The following AFF3 variants were observed in gnomAD, a reference collection of about 807,000 sequenced individuals.
AFF3 encodes the protein AF4/FMR2 family member 3.
A neutral mutation model predicts 129.7 loss-of-function variants in AFF3; 32 were observed. That is an observed-to-expected ratio of 0.25 (90% CI 0.19 to 0.33). The LOEUF is 0.33. Among genes scored for constraint, AFF3 ranks in the 10% least tolerant of loss-of-function variants. The pLI, the probability that AFF3 is intolerant of heterozygous loss-of-function variation, is 1.00. For missense variants in AFF3, 1,373 were observed against 1,592.0 expected (o/e 0.86, Z 2.34); for synonymous variants, 644 against 635.4 (o/e 1.01, Z -0.20).
At chr2:99,640,152 T>C (rs530418465) in intron 13 of AFF3, among the ~76,000 whole-genome samples, 3 of 152,134 alleles carry the variant, frequency 2.0e-5, no homozygotes, top group Non-Finnish European at 4.4e-5. Context: ...ATGGCGTGAG[T>C]AATAGAAGGG....
chr2:99,842,802 CAGAATATGG>C (rs1689418693), intron 7 of AFF3, among the ~76,000 whole-genome samples: 1 of 152,166 alleles, frequency 6.6e-6, no homozygotes, highest in Non-Finnish European at 1.5e-5. Flanking sequence ...ATGCCAAGCA[CAGAATATGG>C]GGAGAAGCAG....
chr2:99,875,878 C>T (rs1010730842), intron 7 of AFF3, among the ~76,000 whole-genome samples: 10 of 152,122 alleles, frequency 6.6e-5, no homozygotes, highest in African/African-American at 1.4e-4. Flanking sequence ...CCACAAAAGC[C>T]GTCCCTGCGA....
intron 13 of AFF3, among the ~76,000 whole-genome samples, chr2:99,606,716 C>CAT (rs541508529): frequency 1.8e-3 from 278 of 151,802 alleles, no homozygotes; most frequent in African/African-American, 6.2e-3. Flanking sequence ...AGATCAAGAC[C>CAT]ATCCTGGCTA....
chr2:99,838,912 TC>T (rs1689099676), intron 7 of AFF3, among the ~76,000 whole-genome samples: 2 of 152,158 alleles, frequency 1.3e-5, no homozygotes, highest in Non-Finnish European at 2.9e-5. Context: ...GTAGAGCATT[TC>T]CTTTGAAACA....
At chr2:100,005,616 G>A (rs968381390) in intron 7 of AFF3, among the ~76,000 whole-genome samples, 3 of 152,178 alleles carry the variant, frequency 2.0e-5, no homozygotes, top group African/African-American at 4.8e-5. Flanking sequence ...TATCATAAAC[G>A]TGTAATCAAA....
chr2:100,095,672 G>A (rs1690223467), intron 4 of AFF3, among the ~76,000 whole-genome samples: 1 of 152,186 alleles, frequency 6.6e-6, no homozygotes, highest in African/African-American at 2.4e-5. Flanking sequence ...ATGTGTGTAT[G>A]TGCACTCATG....
At chr2:100,128,220 C>T (rs1426793607) in intron 2 of AFF3, among the ~76,000 whole-genome samples, 2 of 152,154 alleles carry the variant, frequency 1.3e-5, no homozygotes, top group Admixed American at 6.5e-5. Context: ...AGTAGCCATT[C>T]GTTTATTCCT....
intron 8 of AFF3, among the ~76,000 whole-genome samples, chr2:99,774,970 A>C (rs142545391): frequency 0.016 from 2,471 of 152,358 alleles, 51 homozygotes; most frequent in East Asian, 0.088. Flanking sequence ...ACATACATGC[A>C]GCCAACAAAC....
At chr2:99,926,173 G>A (rs13405283) in intron 7 of AFF3, among the ~76,000 whole-genome samples, 2,269 of 152,300 alleles carry the variant, frequency 0.015, 57 homozygotes, top group African/African-American at 0.052. Context: ...CAATGAGTAC[G>A]ATACCAGAAT....
chr2:99,792,695 C>CA (rs1558856101), intron 8 of AFF3, among the ~76,000 whole-genome samples: 1 of 152,046 alleles, frequency 6.6e-6, no homozygotes, highest in African/African-American at 2.4e-5. Context: ...TAAATTTTGC[C>CA]AAATGCTTTT....
chr2:99,910,434 T>C (rs1695031352), intron 7 of AFF3, among the ~76,000 whole-genome samples: 1 of 152,230 alleles, frequency 6.6e-6, no homozygotes, highest in South Asian at 2.1e-4. Flanking sequence ...GATACAAATA[T>C]GTTCTTCCTC....
intron 11 of AFF3, among the ~76,000 whole-genome samples, chr2:99,684,894 T>C (rs1674893873): frequency 6.6e-6 from 1 of 151,950 alleles, no homozygotes; most frequent in Non-Finnish European, 1.5e-5. Flanking sequence ...ATCAAATAAC[T>C]CTAATCTCAA....
At chr2:99,764,863 A>G (rs944435248) in intron 8 of AFF3, among the ~76,000 whole-genome samples, 8 of 152,136 alleles carry the variant, frequency 5.3e-5, no homozygotes, top group Non-Finnish European at 1.2e-4. Context: ...TCTCGTGCTC[A>G]TGATGAGAAG....
intron 4 of AFF3, among the ~76,000 whole-genome samples, chr2:100,086,883 T>A (rs1689479696): frequency 6.6e-6 from 1 of 152,250 alleles, no homozygotes; most frequent in African/African-American, 2.4e-5. Context: ...TTTAAACCTC[T>A]TACAACAGCC....
At chr2:99,944,069 A>C (rs1428192089) in intron 7 of AFF3, among the ~76,000 whole-genome samples, 1 of 151,866 alleles carries the variant, frequency 6.6e-6, no homozygotes, top group Non-Finnish European at 1.5e-5. Context: ...CTAGGTAGTG[A>C]TTTCATATTT....
In AFF3 at chr2:99,996,306, GA is replaced by G. The variant is rs1384918486; in HGVS notation, c.873+10325del. On this transcript the variant is annotated intron_variant, in intron 7 of 24. Coordinates refer to ENST00000672756, the MANE Select transcript of AFF3 (RefSeq NM_001386135.1). Reference sequence around the variant, plus strand: ...AATTTAATCAGAAAGATGAAGTACAGAAAAAAGACCAGAAGGATCTGCTCTT... The same window carrying G: ...AATTTAATCAGAAAGATGAAGTACAGAAAAAGACCAGAAGGATCTGCTCTT... Among the ~76,000 whole-genome samples, 4 of 152,098 alleles carry G rather than the reference GA, an allele frequency of 2.6e-5. No individual in the cohort carries two copies. The South Asian group carries it at 6.2e-4, about 24-fold the overall frequency.
chr2:99,853,786 A>C (rs1690321047), intron 7 of AFF3, among the ~76,000 whole-genome samples: 1 of 152,214 alleles, frequency 6.6e-6, no homozygotes, highest in Non-Finnish European at 1.5e-5. Context: ...CTGACTTCTC[A>C]AGGTTAAAAA....
intron 18 of AFF3, among the ~76,000 whole-genome samples, chr2:99,576,831 T>C (rs997344917): frequency 2.0e-5 from 3 of 152,130 alleles, no homozygotes; most frequent in African/African-American, 7.2e-5. Context: ...ATGGCTGAAG[T>C]TCACATGAAC....
At position 99,949,409 on chromosome 2, in the gene AFF3, G is replaced by C. The variant is rs139693497; in HGVS notation, c.873+57223C>G. ...AATTTTTCCATAAACTGGAGAGCAG[G>C]GGGGAGGATGGTTTGGGGATGATTC... is the stretch of plus-strand genomic sequence containing the variant. On this transcript the variant is annotated intron_variant, in intron 7 of 24. Transcript: ENST00000672756. Among the ~76,000 whole-genome samples, 136 of 152,118 alleles carry C rather than the reference G, an allele frequency of 8.9e-4. No individual in the cohort carries two copies. The East Asian group carries it at 0.025, about 27-fold the overall frequency.
Sources: gnomAD v4.1 joint callset for allele counts (sites outside exome capture counted in the v4.1 genomes callset) on GRCh38, gnomAD v4.1.1 for gene constraint, MANE v1.5 for transcripts, NCBI Gene and HGNC (gene_info 2026-07-23, HGNC 2026-07-21) for gene names.